The following EYA2 variants were observed in gnomAD, a reference collection of about 807,000 sequenced individuals.
EYA2 encodes the protein protein phosphatase EYA2.
A neutral mutation model predicts 69.2 loss-of-function variants in EYA2; 31 were observed. That is an observed-to-expected ratio of 0.45 (90% confidence interval 0.34 to 0.60). The LOEUF is 0.60. Among genes scored for constraint, EYA2 ranks in the 20% least tolerant of loss-of-function variants. The pLI is 0.02. For missense variants in EYA2, 622 were observed against 701.2 expected, an observed-to-expected ratio of 0.89 and a Z score of 1.28; for synonymous variants, 257 against 279.4, an observed-to-expected ratio of 0.92 and a Z score of 0.80.
At position 46,911,416 on chromosome 20, in the gene EYA2, C is replaced by T. The variant is rs139714227; in HGVS notation, c.-11+16429C>T. Reference sequence around the variant, plus strand: ...GAAAGCTGTTCTTCTGCATGGCACCCGGGCAGGCTCAGCATTGGCAGTAGA... The same window carrying T: ...GAAAGCTGTTCTTCTGCATGGCACCTGGGCAGGCTCAGCATTGGCAGTAGA... On this transcript the variant is annotated intron_variant, in intron 1 of 15. Transcript: ENST00000327619. 1.8e-3 allele frequency among the ~76,000 whole-genome samples: 271 copies of T among 152,266 alleles called. 2 individuals carry two copies. The highest frequency in any genetic ancestry group is 4.9e-3 in the African/African-American group (202 of 41,556).
chr20:47,016,343 C>T (rs894622926), intron 5 of EYA2, 46 bp downstream of exon 5: 4 of 1,459,814 alleles, frequency 2.7e-6, no homozygotes, highest in Non-Finnish European at 2.9e-6. Context: ...CTAAGGACCA[C>T]CTAAGTTGGG....
intron 10 of EYA2, among the ~76,000 whole-genome samples, chr20:47,164,654 G>T (rs1270102255): frequency 6.6e-6 from 1 of 152,136 alleles, no homozygotes. Context: ...AGAGGTCTCA[G>T]ACTCACATGC....
intron 5 of EYA2, among the ~76,000 whole-genome samples, chr20:47,066,249 C>T (rs2031103751): frequency 6.6e-6 from 1 of 151,892 alleles, no homozygotes; most frequent in Admixed American, 6.6e-5. Context: ...GGAGGGTCAC[C>T]AGAGTCTGGG....
At chr20:47,159,488 T>C (rs957206076) in intron 10 of EYA2, among the ~76,000 whole-genome samples, 1 of 151,960 alleles carries the variant, frequency 6.6e-6, no homozygotes, top group Non-Finnish European at 1.5e-5. Context: ...TCATGTGATA[T>C]CCACCTTGGA....
intron 9 of EYA2, among the ~76,000 whole-genome samples, chr20:47,138,403 C>T (rs1206835): frequency 0.034 from 5,219 of 152,186 alleles, 235 homozygotes; most frequent in East Asian, 0.17. Context: ...TGTCTTCAAT[C>T]TTTAGAAAAA....
At chr20:46,913,340 A>C (rs1257101783) in intron 1 of EYA2, among the ~76,000 whole-genome samples, 1 of 152,078 alleles carries the variant, frequency 6.6e-6, no homozygotes, top group Non-Finnish European at 1.5e-5. Context: ...GCTGGAGCTG[A>C]GTGAGAGGAG....
chr20:47,130,837 C>G (rs1029675162), intron 9 of EYA2, among the ~76,000 whole-genome samples: 4 of 152,146 alleles, frequency 2.6e-5, no homozygotes, highest in African/African-American at 9.7e-5. Flanking sequence ...TGCCTATAAT[C>G]CCAACACTTT....
chr20:46,999,761 A>T (rs1025538088), intron 2 of EYA2, among the ~76,000 whole-genome samples: 6 of 152,172 alleles, frequency 3.9e-5, no homozygotes, highest in African/African-American at 1.4e-4. Flanking sequence ...TTGGACTCAC[A>T]CAGCTTTTGG....
intron 8 of EYA2, among the ~76,000 whole-genome samples, chr20:47,096,477 T>C (rs1019867660): frequency 3.3e-5 from 5 of 152,144 alleles, no homozygotes; most frequent in Non-Finnish European, 5.9e-5. Context: ...TATCGATAGC[T>C]CCATGTTTGT....
intron 1 of EYA2, among the ~76,000 whole-genome samples, chr20:46,943,496 C>T (rs1040603385): frequency 6.6e-6 from 1 of 152,168 alleles, no homozygotes; most frequent in African/African-American, 2.4e-5. Context: ...CTGAGGGCCT[C>T]TCTGGGGCCC....
chr20:47,176,765 T>TCA (rs2034434190), intron 12 of EYA2, among the ~76,000 whole-genome samples: 1 of 151,512 alleles, frequency 6.6e-6, no homozygotes, highest in Non-Finnish European at 1.5e-5. Flanking sequence ...CTCTACAGTG[T>TCA]TATGAGCCCA....
At chr20:47,102,198 C>T (rs906159592) in intron 9 of EYA2, among the ~76,000 whole-genome samples, 2 of 152,160 alleles carry the variant, frequency 1.3e-5, no homozygotes, top group Admixed American at 6.5e-5. Context: ...CACATTCCAG[C>T]ACAACTTCTA....
intron 1 of EYA2, among the ~76,000 whole-genome samples, chr20:46,974,591 A>G (rs1980338970): frequency 1.3e-5 from 2 of 152,134 alleles, no homozygotes; most frequent in African/African-American, 4.8e-5. Context: ...CCAGGACTCC[A>G]GGATTCCAGG....
intron 5 of EYA2, among the ~76,000 whole-genome samples, chr20:47,044,383 T>C (rs1206806): frequency 0.9 from 136,472 of 152,242 alleles, 61,175 homozygotes; most frequent in East Asian, 0.92. Context: ...GAGATGCATC[T>C]GTGGACAAAG....
chr20:46,930,418 T>C (rs1310837692), intron 1 of EYA2, among the ~76,000 whole-genome samples: 1 of 152,198 alleles, frequency 6.6e-6, no homozygotes, highest in Non-Finnish European at 1.5e-5. Flanking sequence ...TACTTTGCTG[T>C]GCAGACAGGG....
rs1011508302 is a variant in EYA2 at position 47,009,572 on chromosome 20, C to T, written c.298+4488C>T. ...TGGCTTTCCTTTCCTCTCAAAGATTCCTGTGCCCCCAAGTTTCATGTTTAT... is the reference window on the plus strand; with the variant it reads ...TGGCTTTCCTTTCCTCTCAAAGATTTCTGTGCCCCCAAGTTTCATGTTTAT... On this transcript the variant is annotated intron_variant, in intron 4 of 15. Coordinates refer to ENST00000327619, the MANE Select transcript of EYA2 (RefSeq NM_005244.5). 3.9e-5 allele frequency among the ~76,000 whole-genome samples: 6 copies of T among 152,154 alleles called. No individual in the cohort carries two copies. In the South Asian group the frequency reaches 6.2e-4, roughly 16 times the overall value.
chr20:47,082,119 C>T (rs2031743519), intron 7 of EYA2, among the ~76,000 whole-genome samples: 1 of 151,988 alleles, frequency 6.6e-6, no homozygotes, highest in African/African-American at 2.4e-5. Flanking sequence ...GGATTACAAG[C>T]GTGAGCCACT....
chr20:47,166,393 TAAAAAA>T lies in EYA2; in HGVS notation c.979-2713_979-2708del, dbSNP rs370944686. Among the ~76,000 whole-genome samples, 171 of 34,484 alleles carry T rather than the reference TAAAAAA, an allele frequency of 5.0e-3. 6 individuals carry two copies. The highest frequency in any genetic ancestry group is 0.013 in the East Asian group (17 of 1,310). 22.6% of individuals were successfully genotyped at this position (34,484 alleles called of 152,430 possible). ...GCTTGGGTGACAGAGCAAGACTGTC[TAAAAAA>T]AAAAAAAAAAAAAAAAAAAAAAAAA... On this transcript the variant is annotated intron_variant, in intron 10 of 15. Transcript: ENST00000327619.
intron 9 of EYA2, among the ~76,000 whole-genome samples, chr20:47,099,918 C>T (rs191865277): frequency 1.3e-5 from 2 of 152,260 alleles, no homozygotes; most frequent in East Asian, 3.9e-4. Context: ...GCGCAGTACA[C>T]AGGGCAGAAT....
Sources: gnomAD v4.1 joint callset for allele counts (sites outside exome capture counted in the v4.1 genomes callset) on GRCh38, gnomAD v4.1.1 for gene constraint, MANE v1.5 for transcripts, NCBI Gene and HGNC (gene_info 2026-07-23, HGNC 2026-07-21) for gene names.